The following SF3B3 variants were observed in gnomAD, a reference collection of about 807,000 sequenced individuals.
The protein encoded by SF3B3 is splicing factor 3b subunit 3, also known as SAP 130.
A neutral mutation model predicts 139.2 loss-of-function variants in SF3B3; 33 were observed. That is an observed-to-expected ratio of 0.24 (90% CI 0.18 to 0.32). SF3B3 has a LOEUF of 0.32. Ranked by LOEUF, SF3B3 falls within the 10% of genes least tolerant of loss-of-function variation. The pLI is 1.00. For synonymous variants in SF3B3, 596 were observed against 563.6 expected, an observed-to-expected ratio of 1.06 and a Z score of -0.81; for missense variants, 818 against 1,509.4, an observed-to-expected ratio of 0.54 and a Z score of 7.59.
At chr16:70,561,550 A>T (rs984272552) in intron 16 of SF3B3, 80 bp from the exon 17 acceptor site, 2 of 1,222,500 alleles carry the variant, frequency 1.6e-6, no homozygotes, top group African/African-American at 3.0e-5. Context: ...AAATTTGGGG[A>T]TAGGGCTTTT....
rs903783943 is a variant in SF3B3, at chr16:70,572,479, C to T, written c.*666C>T. The T allele has an allele frequency of 2.2e-5, 4 of 179,334 alleles. No homozygotes were observed. Among genetic ancestry groups the T allele is most frequent in the Non-Finnish European group, 4.6e-5 (4 of 86,110 alleles). The allele number at this position is 179,334 out of a possible 1,614,324, so 11.1% of individuals were successfully genotyped here. On this transcript the variant is annotated 3_prime_UTR_variant, in exon 26 of 26. Coordinates refer to ENST00000302516, the MANE Select transcript of SF3B3 (RefSeq NM_012426.5). ...CTTTGTTTTTTCCTGGTTCTTTTTG[C>T]TGTGCTGATGAAACATGACCTCAAT... is the stretch of plus-strand genomic sequence containing the variant.
rs553784308 is a variant in SF3B3 at position 70,574,287 on chromosome 16, G to T, written c.*2474G>T. On this transcript the variant is annotated 3_prime_UTR_variant, in exon 26 of 26. Coordinates refer to ENST00000302516, the MANE Select transcript of SF3B3 (RefSeq NM_012426.5). ...CACTGAGGCTTGAACTCCTGGGCTC[G>T]AGCAATCCACCTCAGCCTCCAGAGT... The T allele has an allele frequency of 1.6e-4, 24 of 151,974 alleles. No individual in the cohort carries two copies. The highest frequency in any genetic ancestry group is 3.1e-4 in the Non-Finnish European group (21 of 67,992). The allele number at this position is 151,974 out of a possible 1,614,324, so 9.4% of individuals were successfully genotyped here.
chr16:70,549,232 G>C (rs1331001353), intron 11 of SF3B3, among the ~76,000 whole-genome samples: 1 of 152,166 alleles, frequency 6.6e-6, no homozygotes, highest in Non-Finnish European at 1.5e-5. Context: ...CTGTAATTCT[G>C]CCTGATATTT....
At chr16:70,550,631 CT>C (rs1358145437) in intron 11 of SF3B3, 1 of 985,468 alleles carries the variant, frequency 1.0e-6, no homozygotes, top group Non-Finnish European at 1.2e-6. Flanking sequence ...AATACCAAGC[CT>C]TTTTTTCTCT....
chr16:70,538,275 A>G, intron 6 of SF3B3, 48 bp from the exon 7 acceptor site: 4 of 1,569,080 alleles, frequency 2.5e-6, no homozygotes, highest in Non-Finnish European at 3.5e-6. Context: ...TTCCAGAACT[A>G]AGAAGTACCC....
In SF3B3 at chr16:70,538,978, C is replaced by T. The variant is rs533347935; in HGVS notation, c.964-126C>T. 85 of 709,472 alleles carry T rather than the reference C, an allele frequency of 1.2e-4. No homozygotes were observed. In the East Asian group the frequency reaches 1.6e-3, roughly 13 times the overall value. 43.9% of individuals were successfully genotyped at this position (709,472 alleles called of 1,614,324 possible). On this transcript the variant is annotated intron_variant, in intron 7 of 25. Coordinates refer to ENST00000302516, the MANE Select transcript of SF3B3 (RefSeq NM_012426.5). Reference sequence around the variant, plus strand: ...TGATTGGCATGACTGGCCCATGAGCCGGAGTTTGTTGACCCCTGGTCAGAT... The same window carrying T: ...TGATTGGCATGACTGGCCCATGAGCTGGAGTTTGTTGACCCCTGGTCAGAT...
intron 20 of SF3B3, among the ~76,000 whole-genome samples, chr16:70,565,936 G>A (rs112256129): frequency 0.012 from 1,792 of 152,110 alleles, 42 homozygotes; most frequent in African/African-American, 0.041. Flanking sequence ...GGCCAACATG[G>A]TGAAAGCCTG....
chr16:70,543,408 C>CAA (rs34604227), intron 9 of SF3B3, among the ~76,000 whole-genome samples: 1 of 141,990 alleles, frequency 7.0e-6, no homozygotes, highest in East Asian at 2.1e-4. Context: ...AACCCCGTCT[C>CAA]AAAAAAGAAA....
intron 11 of SF3B3, among the ~76,000 whole-genome samples, chr16:70,552,045 A>G (rs2050332506): frequency 6.6e-6 from 1 of 152,204 alleles, no homozygotes; most frequent in Non-Finnish European, 1.5e-5. Context: ...ACCCTATTTA[A>G]GTTCACTGAG....
chr16:70,556,801 A>C (rs1053959260), intron 14 of SF3B3, 85 bp from the exon 15 acceptor site: 2 of 1,506,336 alleles, frequency 1.3e-6, no homozygotes, highest in South Asian at 2.3e-5. Flanking sequence ...GTACTTTTTC[A>C]ATCCTAGAAT....
rs1354426297 is a variant in SF3B3, at chr16:70,576,625, C to CA, written c.*4813dup. On this transcript the variant is annotated 3_prime_UTR_variant, in exon 26 of 26. Transcript: ENST00000302516. ...TTAGGGCCTCCAGCTGTTATGAGGA[C>CA]ACACTGGGGAATCTCAGCTTTAGGG... The CA allele has an allele frequency of 2.6e-5, 4 of 152,150 alleles. No individual in the cohort carries two copies. The highest frequency in any genetic ancestry group is 9.7e-5 in the African/African-American group (4 of 41,420). The allele number at this position is 152,150 out of a possible 1,614,324, so 9.4% of individuals were successfully genotyped here.
chr16:70,529,693 A>C (rs1025969525), intron 3 of SF3B3: 1 of 153,730 alleles, frequency 6.5e-6, no homozygotes, highest in Non-Finnish European at 1.4e-5. Context: ...ACTCATTAAA[A>C]AATTTTGACT....
chr16:70,541,482 C>T (rs1433118809), intron 8 of SF3B3, among the ~76,000 whole-genome samples, 187 bp from the exon 9 acceptor site: 1 of 152,204 alleles, frequency 6.6e-6, no homozygotes, highest in Non-Finnish European at 1.5e-5. Flanking sequence ...ACTCACTGCA[C>T]TTCCCAGATC....
intron 21 of SF3B3, among the ~76,000 whole-genome samples, chr16:70,567,960 A>G (rs953016463): frequency 6.6e-6 from 1 of 152,228 alleles, no homozygotes; most frequent in African/African-American, 2.4e-5. Context: ...TCCTGGGTTT[A>G]CAGGCGTGAG....
At chr16:70,540,287 C>T (rs1010806139) in intron 8 of SF3B3, among the ~76,000 whole-genome samples, 1 of 151,740 alleles carries the variant, frequency 6.6e-6, no homozygotes, top group African/African-American at 2.4e-5. Context: ...TCTCAAACTC[C>T]TGACCTCAAG....
chr16:70,528,785 T>C, intron 2 of SF3B3, 88 bp from the exon 3 acceptor site: 4 of 936,646 alleles, frequency 4.3e-6, no homozygotes, highest in Non-Finnish European at 6.5e-6. Flanking sequence ...GCCTGGCTAA[T>C]TTTTGTATTT....
chr16:70,541,964 C>A, intron 9 of SF3B3, 130 bp downstream of exon 9: 3 of 753,884 alleles, frequency 4.0e-6, no homozygotes, highest in East Asian at 2.6e-5. Flanking sequence ...GAAGTTTGAG[C>A]ACAAAAAACC....
At chr16:70,539,267 G>A in intron 8 of SF3B3, 60 bp downstream of exon 8, 1 of 1,222,802 alleles carries the variant, frequency 8.2e-7, no homozygotes. Flanking sequence ...GGCAGCAGAA[G>A]CTGGGTGCAG....
In SF3B3 at chr16:70,572,218, G is replaced by T. The variant is rs1463056365; in HGVS notation, c.*405G>T. The T allele has an allele frequency of 4.5e-6, 2 of 443,280 alleles. No homozygotes were observed. Among genetic ancestry groups the T allele is most frequent in the Non-Finnish European group, 9.1e-6 (2 of 220,758 alleles). The allele number at this position is 443,280 out of a possible 1,614,324, so 27.5% of individuals were successfully genotyped here. On this transcript the variant is annotated 3_prime_UTR_variant, in exon 26 of 26. Transcript: ENST00000302516. ...GGAGGAAGGAGGCAGGCTGTGGTGG[G>T]ACTGGGTAGGGTATAGTATCACTCC... is the stretch of plus-strand genomic sequence containing the variant.
Sources: gnomAD v4.1 joint callset for allele counts (sites outside exome capture counted in the v4.1 genomes callset) on GRCh38, gnomAD v4.1.1 for gene constraint, MANE v1.5 for transcripts, NCBI Gene and HGNC (gene_info 2026-07-23, HGNC 2026-07-21) for gene names.